The following NUP210 variants were observed in gnomAD, a reference collection of about 807,000 sequenced individuals.
NUP210 encodes nuclear pore membrane glycoprotein 210.
Under a neutral mutation model 196.0 loss-of-function variants are expected in NUP210, and 151 were observed. The ratio of observed to expected loss-of-function variants is 0.77; its 90% CI spans 0.67 to 0.88. NUP210 has a LOEUF of 0.88. NUP210 is among the 40% of genes least tolerant of loss of function. NUP210 has a pLI of 0.00. For synonymous variants in NUP210, 1,070 were observed against 1,052.7 expected (o/e 1.02, Z -0.32); for missense variants, 2,314 against 2,493.7 (o/e 0.93, Z 1.53).
intron 16 of NUP210, among the ~76,000 whole-genome samples, chr3:13,356,642 C>CA (rs1037595553): frequency 9.2e-5 from 14 of 151,628 alleles, no homozygotes; most frequent in South Asian, 6.3e-4. Context: ...GACTGTGTCT[C>CA]AAAAAAAAGA....
intron 5 of NUP210, among the ~76,000 whole-genome samples, chr3:13,387,675 C>T (rs1699320619): frequency 1.3e-5 from 2 of 152,208 alleles, no homozygotes; most frequent in African/African-American, 2.4e-5. Context: ...AGGGTTGCAG[C>T]TCAAAACGAG....
chr3:13,376,359 G>A lies in NUP210; in HGVS notation c.1225C>T (p.His409Tyr). 1 of 1,614,176 alleles carries A rather than the reference G, an allele frequency of 6.2e-7. No individual in the cohort carries two copies. Among genetic ancestry groups the A allele is most frequent in the African/African-American group, 1.3e-5 (1 of 75,058 alleles). ...VLSSSQNGSYHRIRALKRGQT... is the reference protein window; with the variant it reads ...VLSSSQNGSYYRIRALKRGQT... ...CCCCTCTTTAGTGCCCTGATGCGAT[G>A]GTATGACCCATTCTGGGAGGACGAG... Residue 409 changes from histidine to tyrosine, a missense_variant, in exon 10 of 40, where the codon CAT (histidine) becomes TAT (tyrosine). Transcript: ENST00000254508.
intron 3 of NUP210, among the ~76,000 whole-genome samples, chr3:13,394,442 C>G (rs1699589128): frequency 6.6e-6 from 1 of 152,240 alleles, no homozygotes; most frequent in South Asian, 2.1e-4. Flanking sequence ...GGCTTCTGGC[C>G]AAAAGGGCAG....
chr3:13,375,378 A>C, intron 11 of NUP210, 126 bp downstream of exon 11: 1 of 916,566 alleles, frequency 1.1e-6, no homozygotes, highest in Non-Finnish European at 1.6e-6. Flanking sequence ...AGGAAACATA[A>C]AGACTGTGAT....
Position 13,379,220 on chromosome 3 carries a change from CACA to C in NUP210, c.977-243_977-241del, listed in dbSNP as rs1432381699. On this transcript the variant is annotated intron_variant, in intron 7 of 39. Transcript: ENST00000254508. The surrounding 1 kb of genome is among the most constrained non-coding windows in gnomAD (Gnocchi z 4.2). ...GAGGGACACTGGAGACCGCACAGGA[CACA>C]ACAACAAGTCTGGGGCATCAACACT... 3.9e-5 allele frequency among the ~76,000 whole-genome samples: 6 copies of C among 152,198 alleles called. No individual in the cohort carries two copies. Among genetic ancestry groups the C allele is most frequent in the Non-Finnish European group, 8.8e-5 (6 of 68,028 alleles).
At chr3:13,388,626 C>T (rs1338807780) in intron 4 of NUP210, among the ~76,000 whole-genome samples, 173 bp from the exon 5 acceptor site, 1 of 152,280 alleles carries the variant, frequency 6.6e-6, no homozygotes, top group African/African-American at 2.4e-5. Context: ...CAGCTTCCTA[C>T]ATCAGAACTG....
intron 20 of NUP210, 149 bp from the exon 21 acceptor site, chr3:13,343,452 C>G: frequency 9.6e-7 from 1 of 1,040,938 alleles, no homozygotes; most frequent in Non-Finnish European, 1.4e-6. Context: ...CAGGCCAGCA[C>G]TGGGAAGCAG....
rs1024878530 is a variant in NUP210 at position 13,350,185 on chromosome 3, T to G, written c.2835+1694A>C. Reference sequence around the variant, plus strand: ...CTTACTGGGGAAAAGTGTGTGTGTGTGGGTGCGTGTGTGTTCAGCAAAATA... The same window carrying G: ...CTTACTGGGGAAAAGTGTGTGTGTGGGGGTGCGTGTGTGTTCAGCAAAATA... On this transcript the variant is annotated intron_variant, in intron 20 of 39. Transcript: ENST00000254508. The surrounding 1 kb of genome is among the most constrained non-coding windows in gnomAD (Gnocchi z 4.1). 6.6e-6 allele frequency among the ~76,000 whole-genome samples: 1 copy of G among 151,890 alleles called. No homozygotes were observed. The highest frequency in any genetic ancestry group is 2.4e-5 in the African/African-American group (1 of 41,276).
In NUP210 at chr3:13,321,780, G is replaced by A. The variant is rs549845603; in HGVS notation, c.4971C>T (p.His1657=). Residue 1657 remains histidine, a synonymous_variant, in exon 36 of 40, where the codon CAC becomes CAT. Transcript: ENST00000254508. The part of the protein sequence containing the change: ...MHRLTDKQRK[H]LSMKKTALVV... ...CCAGAGCTGTCTTCTTCATGCTCAG[G>A]TGCTTCCGCTGCTTGTCCGTCAGCC... 1 of 1,612,296 alleles carries A rather than the reference G, an allele frequency of 6.2e-7. No individual in the cohort carries two copies. Among genetic ancestry groups the A allele is most frequent in the East Asian group, 2.2e-5 (1 of 44,878 alleles).
At position 13,366,215 on chromosome 3, in the gene NUP210, G is replaced by A. The variant is rs1004939664; in HGVS notation, c.1787-124C>T. 3.8e-5 allele frequency: 34 copies of A among 894,516 alleles called. No individual in the cohort carries two copies. The Admixed American group carries it at 6.0e-4, about 16-fold the overall frequency. The allele number at this position is 894,516 out of a possible 1,614,324, so 55.4% of individuals were successfully genotyped here. A position where few individuals can be genotyped will look rare whatever the true frequency, so the allele number is the denominator to read the frequency against. ...ATGATCTTGGCTCACTGCGACCTCC[G>A]CCTCCGGGGTTCAAGTGATTCTCCT... On this transcript the variant is annotated intron_variant, in intron 13 of 39. Transcript: ENST00000254508.
chr3:13,367,303 C>T (rs545509709), intron 13 of NUP210, among the ~76,000 whole-genome samples: 5 of 151,960 alleles, frequency 3.3e-5, no homozygotes, highest in South Asian at 2.1e-4. Flanking sequence ...CGTGTGGTGG[C>T]GCCTGTCTGT....
chr3:13,325,714 A>G (rs1696720591), intron 33 of NUP210, 81 bp downstream of exon 33: 1 of 1,528,978 alleles, frequency 6.5e-7, no homozygotes. Flanking sequence ...TAAAAGGAAA[A>G]GTCTTCATAA....
Position 13,388,302 on chromosome 3 carries a change from C to A in NUP210, c.684+1G>T, listed in dbSNP as rs1480249266. 7.5e-6 allele frequency: 12 copies of A among 1,603,482 alleles called. No individual in the cohort carries two copies. The highest frequency in any genetic ancestry group is 1.0e-5 in the Non-Finnish European group (12 of 1,175,552). On this transcript the variant is annotated splice_donor_variant, in intron 5 of 39. Transcript: ENST00000254508. LOFTEE classifies it high-confidence loss of function. ...CTGACACCCCAGCGCCCCAGGCCCACCTTGTAGACAGCCTCCTGGATGCGA... is the reference window on the plus strand; with the variant it reads ...CTGACACCCCAGCGCCCCAGGCCCAACTTGTAGACAGCCTCCTGGATGCGA...
chr3:13,343,331 G>GT, intron 20 of NUP210, 28 bp from the exon 21 acceptor site: 1 of 1,591,878 alleles, frequency 6.3e-7, no homozygotes, highest in Non-Finnish European at 8.6e-7. Flanking sequence ...AGGTGGAGGG[G>GT]TGGGTGGTGG....
chr3:13,407,549 T>C (rs1213933549), intron 1 of NUP210, among the ~76,000 whole-genome samples: 3 of 151,998 alleles, frequency 2.0e-5, no homozygotes, highest in Non-Finnish European at 4.4e-5. Flanking sequence ...AAATCTAACC[T>C]CTTTTCCAAA....
intron 13 of NUP210, among the ~76,000 whole-genome samples, chr3:13,370,233 G>A (rs1025670810): frequency 7.9e-5 from 12 of 152,038 alleles, no homozygotes; most frequent in Non-Finnish European, 1.3e-4. Context: ...CACCAGGGGC[G>A]GTACAAGGCA....
At position 13,352,196 on chromosome 3, in the gene NUP210, G is replaced by A. The variant is rs1161732155; in HGVS notation, c.2629-12C>T. ...ACCAGAGGGTCATGCTGAAGGACAA[G>A]GGCAAGGCCATTAGATCCAGGAGGA... On this transcript the variant is annotated splice_polypyrimidine_tract_variant and intron_variant, in intron 18 of 39. Coordinates refer to ENST00000254508, the MANE Select transcript of NUP210 (RefSeq NM_024923.4). 4.4e-6 allele frequency: 7 copies of A among 1,595,596 alleles called. No individual in the cohort carries two copies. In the South Asian group the frequency reaches 7.7e-5, roughly 18 times the overall value.
intron 29 of NUP210, 68 bp downstream of exon 29, chr3:13,332,225 G>T: frequency 7.8e-7 from 1 of 1,279,796 alleles, no homozygotes; most frequent in South Asian, 1.2e-5. Flanking sequence ...TGACAGTGTT[G>T]ACACATGAGG....
intron 15 of NUP210, among the ~76,000 whole-genome samples, chr3:13,359,983 C>G (rs1698314434): frequency 6.6e-6 from 1 of 152,232 alleles, no homozygotes; most frequent in African/African-American, 2.4e-5. Flanking sequence ...GCCTCCAGCT[C>G]TGGTTTGGTT....
Sources: gnomAD v4.1 joint callset for allele counts (sites outside exome capture counted in the v4.1 genomes callset) on GRCh38, gnomAD v4.1.1 for gene constraint, Gnocchi (gnomAD v3.1) non-coding constraint, MANE v1.5 for transcripts, NCBI Gene and HGNC (gene_info 2026-07-23, HGNC 2026-07-21) for gene names.